The following RPS24 variants were observed in gnomAD, a reference collection of about 807,000 sequenced individuals.
RPS24 encodes ribosomal protein S24, also known as small ribosomal subunit protein eS24.
For missense variants in RPS24, 100 were observed against 162.5 expected (o/e 0.62, Z 2.09); for synonymous variants, 72 against 55.6 (o/e 1.30, Z -1.31).
rs1487778902 is a variant in RPS24, at chr10:78,040,652, G to A, written c.*57G>A. 1 of 1,614,134 alleles carries A rather than the reference G, an allele frequency of 6.2e-7. No individual in the cohort carries two copies. Among genetic ancestry groups the A allele is most frequent in the Admixed American group, 1.7e-5 (1 of 60,022 alleles). On this transcript the variant is annotated 3_prime_UTR_variant, in exon 6 of 6. Transcript: ENST00000372360. The stretch of plus-strand genomic sequence containing the variant: ...AGGTGCTGCAATGATGTTAGCTGTG[G>A]CCACTGTGGATTTTTCGCAAGAACA...
chr10:78,044,131 G>T (rs1848017584), downstream of RPS24, among the ~76,000 whole-genome samples: 1 of 152,132 alleles, frequency 6.6e-6, no homozygotes, highest in Non-Finnish European at 1.5e-5. Flanking sequence ...TGTAGATAGG[G>T]TTTGCGGTTT....
chr10:78,055,441 G>T (rs1177257356), exon 5 of RPS24: 1 of 158,884 alleles, frequency 6.3e-6, no homozygotes, highest in Non-Finnish European at 1.4e-5. Flanking sequence ...CTTGGACACA[G>T]TACGCAGTAG....
At chr10:78,037,813 C>G (rs1847905100) in intron 4 of RPS24, 1 of 477,746 alleles carries the variant, frequency 2.1e-6, no homozygotes. Context: ...ACCAGCTTTG[C>G]TAGCTGTAAA....
At chr10:78,053,187 A>AAC (rs1554843550) in intron 4 of RPS24, among the ~76,000 whole-genome samples, 6 of 32,662 alleles carry the variant, frequency 1.8e-4, no homozygotes, top group Admixed American at 3.9e-4. Context: ...CAACAACAAC[A>AAC]AAAAAAAAAA....
chr10:78,041,837 T>A (rs533156194), downstream of RPS24, among the ~76,000 whole-genome samples: 1 of 152,198 alleles, frequency 6.6e-6, no homozygotes, highest in African/African-American at 2.4e-5. Flanking sequence ...GTTTCTGATG[T>A]GAAGAAAAAG....
At chr10:78,036,309 C>CA (rs1847865419) in intron 3 of RPS24, 1 of 154,752 alleles carries the variant, frequency 6.5e-6, no homozygotes, top group Non-Finnish European at 1.4e-5. Context: ...AGAGGCTGCA[C>CA]TTTTTTTTTT....
chr10:78,046,346 C>CTTTTTTTTTTTTT (rs57003851), intron 4 of RPS24, among the ~76,000 whole-genome samples: 5 of 126,138 alleles, frequency 4.0e-5, no homozygotes, highest in African/African-American at 1.7e-4. Context: ...TCTCATTTAC[C>CTTTTTTTTTTTTT]TTTTTTTTTT....
downstream of RPS24, among the ~76,000 whole-genome samples, chr10:78,044,868 C>G (rs191063455): frequency 6.6e-6 from 1 of 151,696 alleles, no homozygotes; most frequent in Admixed American, 6.6e-5. Context: ...ATTGTGTGTT[C>G]TTTTCACATG....
At chr10:78,036,796 G>A (rs1847878465) in intron 3 of RPS24, among the ~76,000 whole-genome samples, 2 of 152,190 alleles carry the variant, frequency 1.3e-5, no homozygotes, top group Non-Finnish European at 2.9e-5. Flanking sequence ...TCTCCATGAT[G>A]TGGGGGTTGT....
intron 4 of RPS24, among the ~76,000 whole-genome samples, chr10:78,052,138 G>A (rs72642281): frequency 0.045 from 6,870 of 152,134 alleles, 335 homozygotes; most frequent in East Asian, 0.23. Flanking sequence ...CAATTCTCGT[G>A]TCTCAGCCTC....
At chr10:78,042,028 G>C (rs1847991434), downstream of RPS24, among the ~76,000 whole-genome samples, 1 of 152,218 alleles carries the variant, frequency 6.6e-6, no homozygotes, top group Admixed American at 6.5e-5. Context: ...CTTGGGTTGT[G>C]ATATTATAGA....
chr10:78,039,767 C>G (rs1484038965), intron 4 of RPS24: 2 of 184,942 alleles, frequency 1.1e-5, no homozygotes, highest in African/African-American at 2.4e-5. Context: ...CTTGCCTGAT[C>G]ATTTAGAGCA....
chr10:78,039,966 A>T, intron 4 of RPS24: 2 of 596,150 alleles, frequency 3.4e-6, no homozygotes, highest in African/African-American at 1.9e-5. Flanking sequence ...AAGTCCGGCT[A>T]CCTCGTTTGC....
chr10:78,044,406 A>T (rs1411236659), downstream of RPS24, among the ~76,000 whole-genome samples: 1 of 152,200 alleles, frequency 6.6e-6, no homozygotes, highest in African/African-American at 2.4e-5. Flanking sequence ...TGAATCAACA[A>T]GATGGAAGGC....
chr10:78,037,868 T>C, intron 4 of RPS24: 1 of 842,826 alleles, frequency 1.2e-6, no homozygotes, highest in South Asian at 1.5e-5. Context: ...GGTGTTGGGT[T>C]GTTAAATTAA....
At chr10:78,056,297 G>A (rs1197927236) in exon 5 of RPS24, 1 of 152,198 alleles carries the variant, frequency 6.6e-6, no homozygotes. Flanking sequence ...TGAAATGCCT[G>A]CTTAGCAGTT....
exon 5 of RPS24, chr10:78,054,687 C>G: frequency 6.4e-7 from 1 of 1,551,594 alleles, no homozygotes; most frequent in Non-Finnish European, 8.7e-7. Flanking sequence ...TGGCAGATTG[C>G]GGAGGGGCTG....
At chr10:78,050,688 G>T (rs1848090403) in intron 4 of RPS24, among the ~76,000 whole-genome samples, 1 of 152,162 alleles carries the variant, frequency 6.6e-6, no homozygotes, top group South Asian at 2.1e-4. Context: ...ATAGCTCGTT[G>T]CATCCTCGAA....
chr10:78,042,264 C>T (rs1847994124), downstream of RPS24, among the ~76,000 whole-genome samples: 1 of 152,198 alleles, frequency 6.6e-6, no homozygotes, highest in Non-Finnish European at 1.5e-5. Context: ...TAACACCCTC[C>T]TCTACCTGCC....
Sources: gnomAD v4.1 joint callset for allele counts (sites outside exome capture counted in the v4.1 genomes callset) on GRCh38, gnomAD v4.1.1 for gene constraint, MANE v1.5 for transcripts, NCBI Gene and HGNC (gene_info 2026-07-23, HGNC 2026-07-21) for gene names.